The following CABCOCO1 variants were observed in gnomAD, a reference collection of about 807,000 sequenced individuals.
CABCOCO1 encodes the protein ciliary associated calcium binding coiled-coil 1, also known as ciliary-associated calcium-binding coiled-coil protein 1.
Under a neutral mutation model 35.7 loss-of-function variants are expected in CABCOCO1, and 28 were observed. The ratio of observed to expected loss-of-function variants is 0.78; its 90% CI spans 0.58 to 1.07. The LOEUF is 1.07. Among genes scored for constraint, CABCOCO1 ranks in the 50% least tolerant of loss-of-function variants. The pLI, the probability that CABCOCO1 is intolerant of heterozygous loss-of-function variation, is 0.00. For synonymous variants in CABCOCO1, 95 were observed against 100.1 expected (o/e 0.95, Z 0.30); for missense variants, 326 against 309.2 (o/e 1.05, Z -0.41).
intron 5 of CABCOCO1, among the ~76,000 whole-genome samples, chr10:61,750,522 G>A (rs1001262858): frequency 1.3e-4 from 20 of 152,190 alleles, no homozygotes; most frequent in African/African-American, 4.8e-4. Flanking sequence ...TTTGCAGTGA[G>A]CCGAGATCGT....
intron 5 of CABCOCO1, among the ~76,000 whole-genome samples, chr10:61,696,546 G>A (rs71507184): frequency 0.12 from 17,830 of 151,916 alleles, 1,383 homozygotes; most frequent in African/African-American, 0.19. Context: ...TGCTCAGGCC[G>A]GAATGCAGTC....
chr10:61,687,081 T>G (rs1478901358), intron 4 of CABCOCO1, among the ~76,000 whole-genome samples: 2 of 152,244 alleles, frequency 1.3e-5, no homozygotes, highest in Non-Finnish European at 2.9e-5. Context: ...GGATTCTAGC[T>G]GAAATCTAGA....
intron 1 of CABCOCO1, among the ~76,000 whole-genome samples, chr10:61,671,075 C>A (rs189324293): frequency 1.3e-5 from 2 of 152,300 alleles, no homozygotes; most frequent in Non-Finnish European, 2.9e-5. Flanking sequence ...GCCTGTAATC[C>A]CATCACTTTG....
chr10:61,710,293 T>C (rs1193488421), intron 5 of CABCOCO1, among the ~76,000 whole-genome samples: 2 of 145,180 alleles, frequency 1.4e-5, no homozygotes, highest in African/African-American at 2.6e-5. Context: ...TGTGTGTGTG[T>C]GTAGAGATAT....
rs141200360 is a variant in CABCOCO1, at chr10:61,757,989, T to A, written c.553-2070T>A. Among the ~76,000 whole-genome samples, 372 of 152,160 alleles carry A rather than the reference T, an allele frequency of 2.4e-3. 1 individual carries two copies. Among genetic ancestry groups the A allele is most frequent in the African/African-American group, 8.6e-3 (357 of 41,522 alleles). On this transcript the variant is annotated intron_variant, in intron 5 of 7. Coordinates refer to ENST00000648843, the MANE Select transcript of CABCOCO1 (RefSeq NM_001366906.2). ...AGTGAGCAGGAAGGCCTAGCCTGTG[T>A]ATGGCCAAGCTTAGCAACAAGACAA...
intron 5 of CABCOCO1, among the ~76,000 whole-genome samples, chr10:61,751,541 T>A (rs1291921274): frequency 6.6e-6 from 1 of 152,050 alleles, no homozygotes; most frequent in African/African-American, 2.4e-5. Context: ...GGAGCAGGTT[T>A]GGGGAAGGTA....
intron 5 of CABCOCO1, among the ~76,000 whole-genome samples, chr10:61,716,592 C>T (rs1159267678): frequency 1.3e-5 from 2 of 152,154 alleles, no homozygotes; most frequent in Non-Finnish European, 2.9e-5. Context: ...ATAGCTCTTC[C>T]ATTTTCCCCT....
At chr10:61,667,723 G>A (rs1839234963) in intron 1 of CABCOCO1, among the ~76,000 whole-genome samples, 1 of 151,684 alleles carries the variant, frequency 6.6e-6, no homozygotes, top group African/African-American at 2.4e-5. Context: ...ATGTTATATA[G>A]AACCATCTTG....
intron 3 of CABCOCO1, among the ~76,000 whole-genome samples, chr10:61,685,812 C>A (rs1260629980): frequency 2.0e-5 from 3 of 152,196 alleles, no homozygotes; most frequent in African/African-American, 4.8e-5. Context: ...ATCCACCCAC[C>A]TTGGCCTCCC....
intron 5 of CABCOCO1, among the ~76,000 whole-genome samples, chr10:61,726,508 C>T (rs1380268778): frequency 2.0e-5 from 3 of 151,320 alleles, no homozygotes; most frequent in Non-Finnish European, 4.4e-5. Flanking sequence ...TACAATGGGA[C>T]GTGGAGTGAT....
chr10:61,722,097 C>A (rs931856121), intron 5 of CABCOCO1, among the ~76,000 whole-genome samples: 2 of 152,046 alleles, frequency 1.3e-5, no homozygotes, highest in Admixed American at 1.3e-4. Context: ...TTGTTTAGTT[C>A]TTCTGTGGTG....
At chr10:61,687,229 G>A (rs1839992262) in intron 4 of CABCOCO1, among the ~76,000 whole-genome samples, 3 of 152,166 alleles carry the variant, frequency 2.0e-5, no homozygotes, top group Middle Eastern at 6.8e-3. Flanking sequence ...ATATTAAAAC[G>A]TAGCTCCTAA....
chr10:61,740,232 C>A (rs1204922629), intron 5 of CABCOCO1, among the ~76,000 whole-genome samples: 1 of 152,188 alleles, frequency 6.6e-6, no homozygotes, highest in Non-Finnish European at 1.5e-5. Flanking sequence ...ATTACCTCAA[C>A]TGGGAGAGGG....
At chr10:61,748,963 T>C (rs1410281012) in intron 5 of CABCOCO1, among the ~76,000 whole-genome samples, 2 of 152,144 alleles carry the variant, frequency 1.3e-5, no homozygotes, top group East Asian at 3.9e-4. Flanking sequence ...AGAACTAATA[T>C]CTTATTCACC....
At chr10:61,708,163 T>C (rs1226977955) in intron 5 of CABCOCO1, among the ~76,000 whole-genome samples, 1 of 150,992 alleles carries the variant, frequency 6.6e-6, no homozygotes, top group Non-Finnish European at 1.5e-5. Flanking sequence ...TTTACATCCC[T>C]CATGCCCAGC....
chr10:61,732,481 C>A (rs1841325844), intron 5 of CABCOCO1, among the ~76,000 whole-genome samples: 1 of 52,456 alleles, frequency 1.9e-5, no homozygotes, highest in South Asian at 7.6e-4. Context: ...ACTGTAAAGA[C>A]AACAACTACC....
intron 1 of CABCOCO1, among the ~76,000 whole-genome samples, chr10:61,670,472 AT>A (rs1450282220): frequency 6.6e-6 from 1 of 152,218 alleles, no homozygotes; most frequent in East Asian, 1.9e-4. Flanking sequence ...TCTAAATTAG[AT>A]TTTCAAAGAT....
intron 5 of CABCOCO1, among the ~76,000 whole-genome samples, chr10:61,749,028 G>C (rs780630849): frequency 2.3e-4 from 35 of 152,098 alleles, no homozygotes; most frequent in Non-Finnish European, 4.3e-4. Context: ...TGCCTTCTGT[G>C]GTGAACAATC....
chr10:61,730,615 C>T (rs1238503648), intron 5 of CABCOCO1, among the ~76,000 whole-genome samples: 1 of 151,876 alleles, frequency 6.6e-6, no homozygotes, highest in Non-Finnish European at 1.5e-5. Flanking sequence ...ATATTTAAAG[C>T]GTGCCAATGT....
Sources: allele counts gnomAD v4.1 joint callset (sites outside exome capture counted in the v4.1 genomes callset), GRCh38; gene constraint gnomAD v4.1.1; transcripts MANE v1.5; gene names NCBI Gene and HGNC (gene_info 2026-07-23, HGNC 2026-07-21).